GOLGB1: variants seen among roughly 807,000 people sequenced by gnomAD.
GOLGB1 encodes golgin B1.
Under a neutral mutation model 336.9 loss-of-function variants are expected in GOLGB1, and 174 were observed. That is an observed-to-expected ratio of 0.52 (90% CI 0.46 to 0.59). The LOEUF (loss-of-function observed/expected upper bound fraction) is 0.59, where lower values mean the gene tolerates loss of function less well. Ranked by LOEUF, GOLGB1 falls within the 20% of genes least tolerant of loss-of-function variation. The probability of loss-of-function intolerance (pLI) is 0.00; values close to 1 mark genes in which losing one functional copy is unlikely to be tolerated. For missense variants in GOLGB1, 3,331 were observed against 3,645.3 expected (o/e 0.91, Z 2.22); for synonymous variants, 1,208 against 1,289.2 (o/e 0.94, Z 1.35).
intron 13 of GOLGB1, 77 bp downstream of exon 13, chr3:121,693,664 A>G: frequency 2.8e-6 from 3 of 1,085,906 alleles, no homozygotes; most frequent in Non-Finnish European, 4.0e-6. Context: ...CATTGTCTAA[A>G]AGGAAACAGA....
chr3:121,691,520 G>A lies in GOLGB1; in HGVS notation c.7844C>T (p.Ser2615Phe), dbSNP rs768766775. ...LSKEIESLKV[S>F]ISQLTRQVTA... ...TACTTGTCTTGTTAGCTGGGATATAGATACTTTCAAACTCTCAATCTCTTT... is the reference window on the plus strand; with the variant it reads ...TACTTGTCTTGTTAGCTGGGATATAAATACTTTCAAACTCTCAATCTCTTT... Residue 2615 changes from serine (S) to phenylalanine (F), a missense_variant, in exon 14 of 22, where the codon TCT (serine) becomes TTT (phenylalanine). Physicochemically the swap from Ser to Phe is radical, Grantham distance 155. Transcript: ENST00000614479. The A allele has an allele frequency of 6.2e-7, 1 of 1,612,278 alleles. No individual in the cohort carries two copies. Among genetic ancestry groups the A allele is most frequent in the Non-Finnish European group, 8.5e-7 (1 of 1,179,364 alleles).
At chr3:121,731,781 A>G (rs1487337418) in intron 1 of GOLGB1, among the ~76,000 whole-genome samples, 1 of 152,208 alleles carries the variant, frequency 6.6e-6, no homozygotes, top group Non-Finnish European at 1.5e-5. Flanking sequence ...AAAATTAGAA[A>G]AAGAAGAACA....
At chr3:121,687,062 C>T (rs1018084625) in intron 14 of GOLGB1, among the ~76,000 whole-genome samples, 1 of 152,080 alleles carries the variant, frequency 6.6e-6, no homozygotes, top group Non-Finnish European at 1.5e-5. Flanking sequence ...CACTTGAGAC[C>T]AGGAGTTTAA....
At position 121,698,605 on chromosome 3, in the gene GOLGB1, C is replaced by T. The variant is rs768473246; in HGVS notation, c.1918G>A (p.Val640Ile). ...TCAGTGCTCGCCTGTTCTTTTTCAA[C>T]TGCTGGAAGACTGCTCTCTTCATTT... ...MPNEESSLPA[V>I]EKEQASTEHQ... Residue 640 changes from valine to isoleucine, a missense_variant, in exon 13 of 22, where the codon GTT (valine) becomes ATT (isoleucine). By Grantham distance (29) the Val-to-Ile change is conservative (BLOSUM62 3). Coordinates refer to ENST00000614479, the MANE Select transcript of GOLGB1 (RefSeq NM_001366282.2). 3 of 1,613,844 alleles carry T rather than the reference C, an allele frequency of 1.9e-6. No homozygotes were observed. The South Asian group carries it at 3.3e-5, about 18-fold the overall frequency.
At position 121,697,836 on chromosome 3, in the gene GOLGB1, G is replaced by T. The variant is rs1943080926; in HGVS notation, c.2687C>A (p.Thr896Asn). 1 of 1,613,884 alleles carries T rather than the reference G, an allele frequency of 6.2e-7. No individual in the cohort carries two copies. The highest frequency in any genetic ancestry group is 8.5e-7 in the Non-Finnish European group (1 of 1,179,940). The change falls in exon 13 of 22, where the codon ACC (threonine) becomes AAC (asparagine). Residue 896 changes from threonine to asparagine, a missense_variant. By Grantham distance (65) the Thr-to-Asn change is moderately conservative. Transcript: ENST00000614479. The stretch of plus-strand genomic sequence containing the variant: ...CTTCTCCTCGATGGTTTGTTGGAGG[G>T]TTTCCACATCTCTCTTTTTCTCTAG... Reference protein sequence around the residue: ...LLLEKKRDVETLQQTIEEKDQ... With the variant: ...LLLEKKRDVENLQQTIEEKDQ...
chr3:121,698,639 G>A lies in GOLGB1; in HGVS notation c.1884C>T (p.Pro628=), dbSNP rs760139455. The change falls in exon 13 of 22, where the codon CCC becomes CCT. Residue 628 remains proline (P), a synonymous_variant. Transcript: ENST00000614479. ...GACTGCTCTCTTCATTTGGCATTAA[G>A]GGAAAATCTTGCCCTGTATCTTCAA... ...VFLEDTGQDF[P]LMPNEESSLP... is the part of the protein sequence containing the mutation. The A allele has an allele frequency of 1.2e-5, 19 of 1,613,640 alleles. No homozygotes were observed. Among genetic ancestry groups the A allele is most frequent in the Middle Eastern group, 1.6e-4 (1 of 6,084 alleles).
At chr3:121,705,550 A>G (rs890992150) in intron 10 of GOLGB1, among the ~76,000 whole-genome samples, 4 of 152,256 alleles carry the variant, frequency 2.6e-5, no homozygotes, top group Non-Finnish European at 5.9e-5. Context: ...AAGGGGGAAC[A>G]TAGGCTGAGC....
chr3:121,710,580 T>C (rs1944267852), intron 10 of GOLGB1, among the ~76,000 whole-genome samples: 1 of 152,256 alleles, frequency 6.6e-6, no homozygotes, highest in Non-Finnish European at 1.5e-5. Context: ...GGCTCATGCC[T>C]ATAATTCCAG....
chr3:121,694,021 G>A lies in GOLGB1; in HGVS notation c.6502C>T (p.Gln2168Ter). 3.1e-6 allele frequency: 5 copies of A among 1,614,092 alleles called. No individual in the cohort carries two copies. The highest frequency in any genetic ancestry group is 4.2e-6 in the Non-Finnish European group (5 of 1,179,976). ...TTGTCTTTCTTGTTCAAAGTAACCTGAATCTCTCCAATTGTCTCTTCCAAG... is the reference window on the plus strand; with the variant it reads ...TTGTCTTTCTTGTTCAAAGTAACCTAAATCTCTCCAATTGTCTCTTCCAAG... ...VHLEETIGEI[Q>*]VTLNKKDKEV... is the part of the protein sequence containing the mutation. The change falls in exon 13 of 22, where the codon CAG becomes TAG. Residue 2168 changes from glutamine (Q) to a stop codon, truncating the protein, a stop_gained. Coordinates refer to ENST00000614479, the MANE Select transcript of GOLGB1 (RefSeq NM_001366282.2). LOFTEE classifies it high-confidence loss of function.
At chr3:121,671,135 C>T (rs1355692998) in intron 17 of GOLGB1, among the ~76,000 whole-genome samples, 2 of 152,180 alleles carry the variant, frequency 1.3e-5, no homozygotes, top group Admixed American at 1.3e-4. Flanking sequence ...ATACAGTCAA[C>T]AAACCTAAAA....
chr3:121,691,748 A>T lies in GOLGB1; in HGVS notation c.7616T>A (p.Ile2539Asn), dbSNP rs759319550. ...TTGGTTCAGGTCTTCTCTATATTGGATCAGTTCTGCATCTAGCTTGGCATT... is the reference window on the plus strand; with the variant it reads ...TTGGTTCAGGTCTTCTCTATATTGGTTCAGTTCTGCATCTAGCTTGGCATT... ...SENAKLDAEL[I>N]QYREDLNQVI... Residue 2539 changes from isoleucine to asparagine, a missense_variant, in exon 14 of 22, where the codon ATC becomes AAC. Physicochemically the swap from Ile to Asn is moderately radical, Grantham distance 149. Coordinates refer to ENST00000614479, the MANE Select transcript of GOLGB1 (RefSeq NM_001366282.2). 6.2e-7 allele frequency: 1 copy of T among 1,613,414 alleles called. No individual in the cohort carries two copies. The highest frequency in any genetic ancestry group is 8.5e-7 in the Non-Finnish European group (1 of 1,179,648).
chr3:121,697,811 C>T lies in GOLGB1; in HGVS notation c.2712G>A (p.Lys904=), dbSNP rs373000938. 90 of 1,613,888 alleles carry T rather than the reference C, an allele frequency of 5.6e-5. No homozygotes were observed. The highest frequency in any genetic ancestry group is 7.5e-5 in the Non-Finnish European group (88 of 1,179,924). ...VETLQQTIEE[K]DQQVTEISFS... is the part of the protein sequence containing the mutation. ...AGCTGATTTCTGTCACTTGTTGATC[C>T]TTCTCCTCGATGGTTTGTTGGAGGG... is the stretch of plus-strand genomic sequence containing the variant. The change falls in exon 13 of 22, where the codon AAG becomes AAA. Residue 904 remains lysine (K), a synonymous_variant. Transcript: ENST00000614479.
chr3:121,718,228 C>T (rs185655024), intron 8 of GOLGB1, among the ~76,000 whole-genome samples, 160 bp downstream of exon 8: 22 of 152,338 alleles, frequency 1.4e-4, no homozygotes, highest in Admixed American at 1.4e-3. Context: ...CATAATTGTA[C>T]TGCATCCCCA....
Position 121,696,911 on chromosome 3 carries a change from T to C in GOLGB1, c.3612A>G (p.Arg1204=), listed in dbSNP as rs375302586. Residue 1204 remains arginine (R), a synonymous_variant, in exon 13 of 22, where the codon AGA becomes AGG. Coordinates refer to ENST00000614479, the MANE Select transcript of GOLGB1 (RefSeq NM_001366282.2). Reference sequence around the variant, plus strand: ...GTTGCTTTAGCTCCTCCCTGAGATGTCTTTCTTTCTCCTGTGCCTTTTTAA... The same window carrying C: ...GTTGCTTTAGCTCCTCCCTGAGATGCCTTTCTTTCTCCTGTGCCTTTTTAA... ...AILKKAQEKE[R]HLREELKQQK... The C allele has an allele frequency of 5.0e-6, 8 of 1,614,154 alleles. No homozygotes were observed. Among genetic ancestry groups the C allele is most frequent in the Middle Eastern group, 3.3e-4 (2 of 6,062 alleles).
In GOLGB1 at chr3:121,698,634, A is replaced by G. The variant is rs1381970002; in HGVS notation, c.1889T>C (p.Met630Thr). Residue 630 changes from methionine to threonine, a missense_variant, in exon 13 of 22, where the codon ATG becomes ACG. Met to Thr is a moderately conservative substitution (Grantham distance 81, BLOSUM62 -1). Transcript: ENST00000614479. ...TGGAAGACTGCTCTCTTCATTTGGC[A>G]TTAAGGGAAAATCTTGCCCTGTATC... ...LEDTGQDFPL[M>T]PNEESSLPAV... 1.9e-6 allele frequency: 3 copies of G among 1,613,836 alleles called. No homozygotes were observed. Among genetic ancestry groups the G allele is most frequent in the Admixed American group, 1.7e-5 (1 of 59,994 alleles).
In GOLGB1 at chr3:121,695,684, G is replaced by A. The variant is rs1165298348; in HGVS notation, c.4839C>T (p.His1613=). The change falls in exon 13 of 22, where the codon CAC becomes CAT. Residue 1613 remains histidine, a synonymous_variant. Coordinates refer to ENST00000614479, the MANE Select transcript of GOLGB1 (RefSeq NM_001366282.2). ...TTTCATACTCTTTTTGTAGCTCCTTGTGTTTCTCTTGCCACTCAGTACTTT... is the reference window on the plus strand; with the variant it reads ...TTTCATACTCTTTTTGTAGCTCCTTATGTTTCTCTTGCCACTCAGTACTTT... ...IAESTEWQEK[H]KELQKEYEIL... 3.7e-6 allele frequency: 6 copies of A among 1,611,844 alleles called. No homozygotes were observed. The highest frequency in any genetic ancestry group is 5.1e-6 in the Non-Finnish European group (6 of 1,179,924).
intron 6 of GOLGB1, 88 bp downstream of exon 6, chr3:121,722,174 A>AT: frequency 2.7e-6 from 2 of 750,654 alleles, no homozygotes; most frequent in South Asian, 1.6e-5. Flanking sequence ...ATCTACTAGG[A>AT]TTTTTTAAAG....
chr3:121,671,305 A>G (rs1013170077), intron 17 of GOLGB1, among the ~76,000 whole-genome samples: 3 of 152,216 alleles, frequency 2.0e-5, no homozygotes, highest in African/African-American at 7.2e-5. Flanking sequence ...TTTCTAGCAC[A>G]TTCTTACATT....
At chr3:121,718,546 C>T in intron 7 of GOLGB1, 45 bp from the exon 8 acceptor site, 1 of 1,199,836 alleles carries the variant, frequency 8.3e-7, no homozygotes, top group Non-Finnish European at 1.2e-6. Flanking sequence ...CAAATGAGTG[C>T]TTGTATTTGC....
Sources: allele counts gnomAD v4.1 joint callset (sites outside exome capture counted in the v4.1 genomes callset), GRCh38; gene constraint gnomAD v4.1.1; transcripts MANE v1.5; gene names NCBI Gene and HGNC (gene_info 2026-07-23, HGNC 2026-07-21).